SEMA3C: variants seen among roughly 807,000 people sequenced by gnomAD.
SEMA3C encodes semaphorin 3C, also known as semaphorin-3C.
SEMA3C carries 47 observed loss-of-function variants against 89.4 expected under a neutral mutation model. The ratio of observed to expected loss-of-function variants is 0.53; its 90% confidence interval spans 0.42 to 0.67. The LOEUF (loss-of-function observed/expected upper bound fraction) is 0.67. Among genes scored for constraint, SEMA3C ranks in the 30% least tolerant of loss-of-function variants. The pLI, the probability that SEMA3C is intolerant of heterozygous loss-of-function variation, is 0.00. For missense variants in SEMA3C, 839 were observed against 929.1 expected, an observed-to-expected ratio of 0.90 and a Z score of 1.26; for synonymous variants, 310 against 320.2, an observed-to-expected ratio of 0.97 and a Z score of 0.34.
At chr7:80,814,458 C>G (rs1457842486) in intron 5 of SEMA3C, among the ~76,000 whole-genome samples, 2 of 152,118 alleles carry the variant, frequency 1.3e-5, no homozygotes, top group African/African-American at 4.8e-5. Context: ...AGGAGACCCT[C>G]AAGTCTCAAC....
At chr7:80,875,760 A>C (rs955087266) in intron 2 of SEMA3C, among the ~76,000 whole-genome samples, 1 of 151,914 alleles carries the variant, frequency 6.6e-6, no homozygotes, top group African/African-American at 2.4e-5. Context: ...TTTACTTAAT[A>C]ATGGCCCCAA....
intron 2 of SEMA3C, among the ~76,000 whole-genome samples, chr7:80,889,013 G>A (rs1187394958): frequency 6.6e-6 from 1 of 151,930 alleles, no homozygotes; most frequent in Non-Finnish European, 1.5e-5. Context: ...AGAGACGTGT[G>A]CCACCACGCC....
In SEMA3C at chr7:80,751,368, A is replaced by G. The variant is rs1338357100; in HGVS notation, c.1644-32T>C. 1.9e-6 allele frequency: 3 copies of G among 1,583,814 alleles called. No individual in the cohort carries two copies. The African/African-American group carries it at 4.0e-5, about 21-fold the overall frequency. On this transcript the variant is annotated intron_variant, in intron 15 of 17. Coordinates refer to ENST00000265361, the MANE Select transcript of SEMA3C (RefSeq NM_006379.5). ...GTGCAGAAATACATAAAAGTGACTG[A>G]GAATTATCACTGCCAATTACACCAC... is the stretch of plus-strand genomic sequence containing the variant.
At chr7:80,802,582 C>T in intron 9 of SEMA3C, 83 bp downstream of exon 9, 1 of 783,940 alleles carries the variant, frequency 1.3e-6, no homozygotes, top group South Asian at 1.9e-5. Context: ...ATGGAAAGTA[C>T]ATCTTCTTTT....
chr7:80,760,977 G>GTATA lies in SEMA3C; in HGVS notation c.1485+635_1485+638dup, dbSNP rs796459011. Among the ~76,000 whole-genome samples, 65 of 152,238 alleles carry GTATA rather than the reference G, an allele frequency of 4.3e-4. 1 individual carries two copies. The highest frequency in any genetic ancestry group is 1.5e-3 in the African/African-American group (63 of 41,548). On this transcript the variant is annotated intron_variant, in intron 14 of 17. Transcript: ENST00000265361. The stretch of plus-strand genomic sequence containing the variant: ...ATGGAGAGGTACATGGTTTGCTCAT[G>GTATA]TATATATTGGAATTGTACTTTTTAT...
intron 4 of SEMA3C, among the ~76,000 whole-genome samples, chr7:80,825,902 G>A (rs1292994777): frequency 6.6e-6 from 1 of 152,144 alleles, no homozygotes; most frequent in African/African-American, 2.4e-5. Context: ...TTCCTGGAAT[G>A]TCATTGTAAT....
At chr7:80,769,393 T>G (rs1434320116) in intron 12 of SEMA3C, among the ~76,000 whole-genome samples, 3 of 152,226 alleles carry the variant, frequency 2.0e-5, no homozygotes, top group South Asian at 4.1e-4. Context: ...TGAAAAGAAA[T>G]AAGTACTCTC....
At chr7:80,885,391 C>A (rs149308504) in intron 2 of SEMA3C, among the ~76,000 whole-genome samples, 1 of 151,818 alleles carries the variant, frequency 6.6e-6, no homozygotes, top group African/African-American at 2.4e-5. Context: ...CTGAGGTGGG[C>A]GGACTGCTTG....
Position 80,754,957 on chromosome 7 carries a change from G to GTTTTTTTTTTGTTTTTTTTTTTTTTT in SEMA3C, c.1643+3373_1643+3374insAAAAAAAAAAAAAAACAAAAAAAAAA, listed in dbSNP as rs1449995090. On this transcript the variant is annotated intron_variant, in intron 15 of 17. Transcript: ENST00000265361. ...CATGCCTGGCGAATTGTTTTTTTTT[G>GTTTTTTTTTTGTTTTTTTTTTTTTTT]TTTTTTTTTTTTTTGTATTTTTAGT... Among the ~76,000 whole-genome samples the GTTTTTTTTTTGTTTTTTTTTTTTTTT allele has an allele frequency of 2.0e-3, 214 of 108,346 alleles. 12 individuals carry two copies. Among genetic ancestry groups the GTTTTTTTTTTGTTTTTTTTTTTTTTT allele is most frequent in the Middle Eastern group, 5.0e-3 (1 of 200 alleles). 71.1% of individuals were successfully genotyped at this position (108,346 alleles called of 152,430 possible). A position where few individuals can be genotyped will look rare whatever the true frequency, so the allele number is the denominator to read the frequency against.
chr7:80,799,032 G>T (rs1005619546), intron 10 of SEMA3C, among the ~76,000 whole-genome samples: 1 of 152,048 alleles, frequency 6.6e-6, no homozygotes, highest in Admixed American at 6.6e-5. Flanking sequence ...TAAAGTTACA[G>T]GTACTGGAAA....
At chr7:80,915,771 C>CA (rs1408335309) in intron 2 of SEMA3C, 1 of 146,522 alleles carries the variant, frequency 6.8e-6, no homozygotes, top group Non-Finnish European at 1.5e-5. Flanking sequence ...GAATTTGAGA[C>CA]AAAGTTTCAG....
intron 12 of SEMA3C, among the ~76,000 whole-genome samples, chr7:80,785,162 G>C (rs144496175): frequency 1.3e-5 from 2 of 152,114 alleles, no homozygotes; most frequent in African/African-American, 2.4e-5. Context: ...AGTTGTACAC[G>C]ATAATGGTAT....
chr7:80,803,087 T>C (rs149552203), intron 8 of SEMA3C, among the ~76,000 whole-genome samples: 135 of 152,272 alleles, frequency 8.9e-4, no homozygotes, highest in African/African-American at 3.1e-3. Context: ...AGAAAATAGA[T>C]CATTTAATCT....
chr7:80,820,588 T>G (rs186680757), intron 4 of SEMA3C, among the ~76,000 whole-genome samples: 2 of 152,004 alleles, frequency 1.3e-5, no homozygotes, highest in East Asian at 3.9e-4. Context: ...TAATCAATCA[T>G]TAACTCTAGT....
intron 4 of SEMA3C, among the ~76,000 whole-genome samples, chr7:80,826,105 C>T (rs1046262392): frequency 6.6e-6 from 1 of 152,120 alleles, no homozygotes; most frequent in African/African-American, 2.4e-5. Context: ...CTTCCATGGC[C>T]CTGCCTTGAG....
At chr7:80,878,833 A>T (rs2366970) in intron 2 of SEMA3C, among the ~76,000 whole-genome samples, 80,964 of 151,860 alleles carry the variant, frequency 0.53, 24,407 homozygotes, top group South Asian at 0.7. Context: ...GATCCTAGAG[A>T]CACTGATATT....
intron 2 of SEMA3C, among the ~76,000 whole-genome samples, chr7:80,881,135 G>A (rs1791327365): frequency 6.7e-6 from 1 of 149,462 alleles, no homozygotes; most frequent in Non-Finnish European, 1.5e-5. Flanking sequence ...AAAAATTCAT[G>A]CCTGTTACTT....
At chr7:80,861,135 T>TA (rs1562910241) in intron 2 of SEMA3C, among the ~76,000 whole-genome samples, 1 of 152,120 alleles carries the variant, frequency 6.6e-6, no homozygotes, top group African/African-American at 2.4e-5. Flanking sequence ...ACTTTCAGTA[T>TA]AAAACGCATG....
chr7:80,790,999 T>C (rs1464293518), intron 11 of SEMA3C, among the ~76,000 whole-genome samples: 1 of 152,016 alleles, frequency 6.6e-6, no homozygotes, highest in African/African-American at 2.4e-5. Context: ...ATTATATCAT[T>C]GATTGTATCT....
Sources: allele counts gnomAD v4.1 joint callset (sites outside exome capture counted in the v4.1 genomes callset), GRCh38; gene constraint gnomAD v4.1.1; transcripts MANE v1.5; gene names NCBI Gene and HGNC (gene_info 2026-07-23, HGNC 2026-07-21).